Variants in PTPN12 observed in about 807,000 individuals in gnomAD.
PTPN12 encodes the protein tyrosine-protein phosphatase non-receptor type 12.
PTPN12 carries 29 observed loss-of-function variants against 97.6 expected under a neutral mutation model. The observed-to-expected ratio is 0.30, with a 90% CI of 0.22 to 0.41. PTPN12 has a LOEUF of 0.41. PTPN12 is among the 10% of genes least tolerant of loss of function. The pLI is 1.00. For synonymous variants in PTPN12, 327 were observed against 300.4 expected (o/e 1.09, Z -0.91); for missense variants, 819 against 926.0 (o/e 0.88, Z 1.50).
chr7:77,594,819 T>C (rs946324944), intron 6 of PTPN12, among the ~76,000 whole-genome samples: 1 of 152,176 alleles, frequency 6.6e-6, no homozygotes, highest in South Asian at 2.1e-4. Flanking sequence ...AATTTAGATG[T>C]AATAAGATAA....
chr7:77,556,848 A>C (rs1418641670), intron 1 of PTPN12, among the ~76,000 whole-genome samples: 1 of 152,040 alleles, frequency 6.6e-6, no homozygotes, highest in Non-Finnish European at 1.5e-5. Flanking sequence ...AAATAAAAAT[A>C]CAAAAAAAGG....
At chr7:77,546,885 G>A (rs1421945885) in intron 1 of PTPN12, among the ~76,000 whole-genome samples, 2 of 152,144 alleles carry the variant, frequency 1.3e-5, no homozygotes, top group African/African-American at 4.8e-5. Flanking sequence ...GATCTTGTGA[G>A]AACTCACTAT....
At chr7:77,540,219 ATTTCTTTC>A (rs757480258) in intron 1 of PTPN12, among the ~76,000 whole-genome samples, 2 of 149,040 alleles carry the variant, frequency 1.3e-5, no homozygotes, top group African/African-American at 2.5e-5. Flanking sequence ...TGGAGAGTTC[ATTTCTTTC>A]TTTCTTTCTT....
At chr7:77,590,856 G>C (rs565021130) in intron 5 of PTPN12, among the ~76,000 whole-genome samples, 1 of 151,294 alleles carries the variant, frequency 6.6e-6, no homozygotes, top group Admixed American at 6.6e-5. Flanking sequence ...GAGCCACCAC[G>C]CCCGGCCTCC....
intron 15 of PTPN12, among the ~76,000 whole-genome samples, 193 bp downstream of exon 15, chr7:77,636,042 G>A (rs1789578468): frequency 6.6e-6 from 1 of 151,924 alleles, no homozygotes; most frequent in South Asian, 2.1e-4. Flanking sequence ...TTTTTAAAAG[G>A]GTAACCTGAT....
In PTPN12 at chr7:77,564,758, T is replaced by G. The variant is rs866376361; in HGVS notation, c.100-6320T>G. Among the ~76,000 whole-genome samples the G allele has an allele frequency of 3.1e-4, 30 of 97,802 alleles. 1 individual carries two copies. Among genetic ancestry groups the G allele is most frequent in the Non-Finnish European group, 5.8e-4 (28 of 48,176 alleles). 64.2% of individuals were successfully genotyped at this position (97,802 alleles called of 152,430 possible). A position where few individuals can be genotyped will look rare whatever the true frequency, so the allele number is the denominator to read the frequency against. ...TTTTTGTTGTCGTGTTTTTTTTTTT[T>G]TTTTTTTTTTTTTTTTTTGAGACGG... On this transcript the variant is annotated intron_variant, in intron 1 of 17. Transcript: ENST00000248594.
chr7:77,563,710 A>C (rs1808098684), intron 1 of PTPN12, among the ~76,000 whole-genome samples: 2 of 152,200 alleles, frequency 1.3e-5, no homozygotes, highest in African/African-American at 2.4e-5. Flanking sequence ...GCTTCAAATG[A>C]GGAGGCATAG....
At chr7:77,635,939 T>A in intron 15 of PTPN12, 90 bp downstream of exon 15, 1 of 785,384 alleles carries the variant, frequency 1.3e-6, no homozygotes, top group Non-Finnish European at 2.0e-6. Flanking sequence ...GCTGTCATCT[T>A]AAGATCGTTA....
intron 1 of PTPN12, among the ~76,000 whole-genome samples, chr7:77,548,728 C>T (rs1807339034): frequency 6.6e-6 from 1 of 152,160 alleles, no homozygotes; most frequent in South Asian, 2.1e-4. Flanking sequence ...TTTTTGGTTG[C>T]AGCCTACTTC....
chr7:77,632,026 C>G (rs994295958), intron 13 of PTPN12, among the ~76,000 whole-genome samples: 6 of 152,186 alleles, frequency 3.9e-5, no homozygotes, highest in Admixed American at 3.9e-4. Flanking sequence ...TTTTTGGACA[C>G]AAAACATCAT....
chr7:77,537,706 C>A lies in PTPN12; in HGVS notation c.99+61C>A, dbSNP rs562203825. 128 of 1,507,134 alleles carry A rather than the reference C, an allele frequency of 8.5e-5. 2 individuals are homozygous for A. In the South Asian group the frequency reaches 1.4e-3, roughly 17 times the overall value. The allele number at this position is 1,507,134 out of a possible 1,614,324, so 93.4% of individuals were successfully genotyped here. ...GGCGCCGGAGCCCATCGCCGCCTCT[C>A]CCGGCCGGGCCGCCAGTGCTTTGTG... On this transcript the variant is annotated intron_variant, in intron 1 of 17. Coordinates refer to ENST00000248594, the MANE Select transcript of PTPN12 (RefSeq NM_002835.4).
chr7:77,628,911 T>C (rs1789297706), intron 13 of PTPN12, among the ~76,000 whole-genome samples: 1 of 152,126 alleles, frequency 6.6e-6, no homozygotes, highest in African/African-American at 2.4e-5. Context: ...CTCTCACACA[T>C]ACTGTATTTT....
chr7:77,616,982 A>G (rs757663244), intron 11 of PTPN12, among the ~76,000 whole-genome samples: 18 of 152,044 alleles, frequency 1.2e-4, no homozygotes, highest in Non-Finnish European at 1.3e-4. Context: ...GGGTTTCACT[A>G]TGTTGGCCAA....
chr7:77,545,052 C>T (rs528915541), intron 1 of PTPN12, among the ~76,000 whole-genome samples: 1 of 152,176 alleles, frequency 6.6e-6, no homozygotes, highest in East Asian at 1.9e-4. Flanking sequence ...GCTGCAGTTT[C>T]TTAAGGTAAC....
chr7:77,625,936 C>T (rs906143083), intron 12 of PTPN12, among the ~76,000 whole-genome samples: 4 of 151,928 alleles, frequency 2.6e-5, no homozygotes, highest in African/African-American at 7.3e-5. Flanking sequence ...AAGGAGTATA[C>T]CCAGAAAGAG....
chr7:77,569,725 C>T (rs571265664), intron 1 of PTPN12, among the ~76,000 whole-genome samples: 11 of 152,254 alleles, frequency 7.2e-5, no homozygotes, highest in East Asian at 5.8e-4. Context: ...GGGCCGAGAT[C>T]GCACCACTGC....
At chr7:77,560,394 A>G (rs1342413021) in intron 1 of PTPN12, among the ~76,000 whole-genome samples, 1 of 152,216 alleles carries the variant, frequency 6.6e-6, no homozygotes, top group African/African-American at 2.4e-5. Flanking sequence ...GGTAAAATAC[A>G]TGTAACATGA....
intron 11 of PTPN12, among the ~76,000 whole-genome samples, chr7:77,614,402 C>T (rs1788680944): frequency 2.0e-5 from 3 of 151,838 alleles, no homozygotes; most frequent in South Asian, 2.1e-4. Flanking sequence ...CAGAGCTTTA[C>T]GGGAATATAA....
chr7:77,574,982 C>T (rs1296643813), intron 2 of PTPN12, among the ~76,000 whole-genome samples: 1 of 151,894 alleles, frequency 6.6e-6, no homozygotes, highest in African/African-American at 2.4e-5. Flanking sequence ...CAAGCACCTG[C>T]CACCATGCCC....
Sources: gnomAD v4.1 joint callset for allele counts (sites outside exome capture counted in the v4.1 genomes callset) on GRCh38, gnomAD v4.1.1 for gene constraint, MANE v1.5 for transcripts, NCBI Gene and HGNC (gene_info 2026-07-23, HGNC 2026-07-21) for gene names.